AGBL1: variants seen among roughly 807,000 people sequenced by gnomAD.
AGBL1 encodes AGBL carboxypeptidase 1, also known as cytosolic carboxypeptidase 4.
A neutral mutation model predicts 118.9 loss-of-function variants in AGBL1; 130 were observed. The ratio of observed to expected loss-of-function variants is 1.09; its 90% CI spans 0.95 to 1.26. The LOEUF is 1.26. Among genes scored for constraint, AGBL1 ranks in the 50% most tolerant of loss-of-function variants. The probability of loss-of-function intolerance (pLI) is 0.00; values close to 1 mark genes in which losing one functional copy is unlikely to be tolerated. For missense variants in AGBL1, 1,584 were observed against 1,298.1 expected (o/e 1.22, Z -3.38); for synonymous variants, 555 against 478.9 (o/e 1.16, Z -2.08).
chr15:86,818,048 G>T (rs913463730), intron 22 of AGBL1, among the ~76,000 whole-genome samples: 2 of 152,006 alleles, frequency 1.3e-5, no homozygotes, highest in Non-Finnish European at 2.9e-5. Context: ...GAAGGAGCAT[G>T]GCCCTGCTAC....
intron 17 of AGBL1, among the ~76,000 whole-genome samples, chr15:86,371,766 G>A (rs765430360): frequency 6.6e-6 from 1 of 152,154 alleles, no homozygotes; most frequent in Non-Finnish European, 1.5e-5. Context: ...GCACAAAGGG[G>A]TGGTGTGGTG....
chr15:86,726,448 A>G (rs2086819828), intron 22 of AGBL1, among the ~76,000 whole-genome samples: 1 of 152,240 alleles, frequency 6.6e-6, no homozygotes, highest in Non-Finnish European at 1.5e-5. Context: ...CGGTTTCTCC[A>G]TCTATATAAA....
chr15:86,092,967 A>G (rs1456561735), intron 1 of AGBL1, among the ~76,000 whole-genome samples: 1 of 152,160 alleles, frequency 6.6e-6, no homozygotes, highest in East Asian at 1.9e-4. Context: ...TTTCTAACAC[A>G]TGGTTTTTGG....
rs193016392 is a variant in AGBL1, at chr15:86,124,849, G to A, written c.52-17155G>A. On this transcript the variant is annotated intron_variant, in intron 1 of 22. Transcript: ENST00000614907. ...TATGTAATTATGTATACAGTCGCTC[G>A]CAACAGTCTATATAATGGCAGGGCA... Among the ~76,000 whole-genome samples, 229 of 152,294 alleles carry A rather than the reference G, an allele frequency of 1.5e-3. 1 individual carries two copies. The highest frequency in any genetic ancestry group is 5.3e-3 in the African/African-American group (222 of 41,570).
chr15:86,339,704 C>A (rs1201522728), intron 17 of AGBL1, among the ~76,000 whole-genome samples: 1 of 152,196 alleles, frequency 6.6e-6, no homozygotes, highest in African/African-American at 2.4e-5. Context: ...CGCAGTGGCT[C>A]ATGCCTGTAA....
chr15:86,776,998 C>A (rs2078266032), intron 22 of AGBL1, among the ~76,000 whole-genome samples: 1 of 151,728 alleles, frequency 6.6e-6, no homozygotes, highest in Non-Finnish European at 1.5e-5. Context: ...TTCTTCTATA[C>A]ATTTTTCTAA....
intron 7 of AGBL1, among the ~76,000 whole-genome samples, chr15:86,249,699 C>T (rs2078779104): frequency 6.6e-6 from 1 of 152,182 alleles, no homozygotes; most frequent in Non-Finnish European, 1.5e-5. Context: ...TACCGTGTTC[C>T]TCTGCCCTCC....
At chr15:86,297,359 AG>A (rs1190910290) in intron 17 of AGBL1, among the ~76,000 whole-genome samples, 2 of 152,224 alleles carry the variant, frequency 1.3e-5, no homozygotes, top group Non-Finnish European at 2.9e-5. Context: ...AGGGCTAGTT[AG>A]GGCCATCTTC....
At chr15:86,368,257 T>C (rs1172097992) in intron 17 of AGBL1, among the ~76,000 whole-genome samples, 1 of 151,180 alleles carries the variant, frequency 6.6e-6, no homozygotes. Context: ...CACCACTAGA[T>C]AGGTACGATA....
chr15:86,384,533 T>G (rs28639644), intron 17 of AGBL1, among the ~76,000 whole-genome samples: 2,199 of 151,594 alleles, frequency 0.015, 51 homozygotes, highest in African/African-American at 0.051. Context: ...TTACGTATCA[T>G]TATAGCACAG....
At chr15:86,218,948 G>A (rs775035320) in intron 5 of AGBL1, among the ~76,000 whole-genome samples, 1 of 152,220 alleles carries the variant, frequency 6.6e-6, no homozygotes, top group Non-Finnish European at 1.5e-5. Context: ...GTGGATTCCT[G>A]CCCCATATAA....
chr15:86,382,112 G>A (rs956292142), intron 17 of AGBL1, among the ~76,000 whole-genome samples: 1 of 152,244 alleles, frequency 6.6e-6, no homozygotes, highest in Non-Finnish European at 1.5e-5. Flanking sequence ...GACTAGAAGG[G>A]TGGCAATGCA....
intron 22 of AGBL1, among the ~76,000 whole-genome samples, chr15:86,767,412 C>A (rs2078111063): frequency 6.6e-6 from 1 of 151,808 alleles, no homozygotes. Context: ...ATTTCACTTT[C>A]TCTAAGAACT....
At chr15:86,311,557 C>T (rs555585216) in intron 17 of AGBL1, among the ~76,000 whole-genome samples, 2 of 152,224 alleles carry the variant, frequency 1.3e-5, no homozygotes, top group African/African-American at 4.8e-5. Flanking sequence ...TTTGGAGTTC[C>T]TGAATTAAGA....
chr15:86,575,354 G>A (rs1205283713), intron 21 of AGBL1, among the ~76,000 whole-genome samples: 1 of 151,538 alleles, frequency 6.6e-6, no homozygotes, highest in Admixed American at 6.6e-5. Flanking sequence ...CAAAAAATTA[G>A]CTAGGTGTGG....
chr15:86,862,662 G>A (rs918317759), intron 22 of AGBL1, among the ~76,000 whole-genome samples: 3 of 152,218 alleles, frequency 2.0e-5, no homozygotes, highest in Non-Finnish European at 4.4e-5. Flanking sequence ...AAAGGTCACA[G>A]TGAGCTGAGA....
chr15:86,818,446 A>T (rs1446831889), intron 22 of AGBL1, among the ~76,000 whole-genome samples: 1 of 152,204 alleles, frequency 6.6e-6, no homozygotes, highest in Non-Finnish European at 1.5e-5. Context: ...CCTGAGGAGA[A>T]TCTAATGCCT....
intron 17 of AGBL1, among the ~76,000 whole-genome samples, chr15:86,314,641 A>G (rs2079970951): frequency 6.6e-6 from 1 of 152,174 alleles, no homozygotes; most frequent in African/African-American, 2.4e-5. Flanking sequence ...TTCTTAGCCC[A>G]AGAGGAACCC....
intron 1 of AGBL1, among the ~76,000 whole-genome samples, chr15:86,129,861 G>T (rs113031845): frequency 6.6e-6 from 1 of 152,180 alleles, no homozygotes; most frequent in Non-Finnish European, 1.5e-5. Context: ...GAGAGAGAGC[G>T]TGTGGGGTGG....
Sources: allele counts gnomAD v4.1 joint callset (sites outside exome capture counted in the v4.1 genomes callset), GRCh38; gene constraint gnomAD v4.1.1; transcripts MANE v1.5; gene names NCBI Gene and HGNC (gene_info 2026-07-23, HGNC 2026-07-21).